The following HELB variants were observed in gnomAD, a reference collection of about 807,000 sequenced individuals.
HELB encodes DNA helicase B, also known as DNA 5'-3' helicase B.
In HELB, 96 loss-of-function variants were observed where a neutral mutation model predicts 101.7. That is an observed-to-expected ratio of 0.94 (90% confidence interval 0.80 to 1.12). HELB has a LOEUF of 1.12. Among genes scored for constraint, HELB ranks in the 50% most tolerant of loss-of-function variants. The pLI is 0.00. For missense variants in HELB, 1,210 were observed against 1,291.9 expected (o/e 0.94, Z 0.97); for synonymous variants, 437 against 459.7 (o/e 0.95, Z 0.63).
intron 12 of HELB, among the ~76,000 whole-genome samples, chr12:66,333,249 A>G (rs942324210): frequency 1.3e-5 from 2 of 152,154 alleles, no homozygotes; most frequent in African/African-American, 4.8e-5. Context: ...TGTGGTGGGC[A>G]GGAGGTGCTA....
At chr12:66,317,511 G>A (rs748005270) in intron 6 of HELB, among the ~76,000 whole-genome samples, 10 of 152,128 alleles carry the variant, frequency 6.6e-5, no homozygotes, top group South Asian at 4.1e-4. Context: ...TTTGGTAGAC[G>A]ATTAGTCATT....
At chr12:66,307,365 A>G (rs2053489577) in intron 3 of HELB, among the ~76,000 whole-genome samples, 1 of 151,928 alleles carries the variant, frequency 6.6e-6, no homozygotes. Flanking sequence ...ATAATAGTTT[A>G]CCTTTTTGTT....
At chr12:66,323,592 G>C (rs965387237) in intron 9 of HELB, among the ~76,000 whole-genome samples, 1 of 152,196 alleles carries the variant, frequency 6.6e-6, no homozygotes, top group Non-Finnish European at 1.5e-5. Context: ...ATAGAAATGT[G>C]TATAAGTGCT....
chr12:66,313,796 T>A (rs748643653), intron 4 of HELB, among the ~76,000 whole-genome samples, 190 bp from the exon 5 acceptor site: 1 of 152,102 alleles, frequency 6.6e-6, no homozygotes, highest in African/African-American at 2.4e-5. Flanking sequence ...ACAATCTGAT[T>A]TTTTGTTTGT....
rs759278833 is a variant in HELB at position 66,322,802 on chromosome 12, T to G, written c.2297+19T>G. On this transcript the variant is annotated intron_variant, in intron 9 of 12. Coordinates refer to ENST00000247815, the MANE Select transcript of HELB (RefSeq NM_001370285.1). ...TCACCAAGTGAGTGTCTTCGAGAAC[T>G]GAAACTTTTAAGGACAGTCCTTCTT... The G allele has an allele frequency of 1.3e-6, 2 of 1,565,206 alleles. No individual in the cohort carries two copies. Among genetic ancestry groups the G allele is most frequent in the African/African-American group, 1.4e-5 (1 of 72,956 alleles).
At chr12:66,327,054 A>ATATATATATATATATATATATAT in intron 11 of HELB, among the ~76,000 whole-genome samples, 2 of 127,000 alleles carry the variant, frequency 1.6e-5, no homozygotes, top group Admixed American at 8.8e-5. Flanking sequence ...AAAAAAAAAA[A>ATATATATATATATATATATATAT]AAAAAAAAAA....
downstream of HELB, chr12:66,341,551 A>C (rs1057313366): frequency 4.6e-5 from 7 of 152,178 alleles, no homozygotes; most frequent in African/African-American, 1.7e-4. Flanking sequence ...TTACATTTTC[A>C]ACATTTAAGT....
rs2053673844 is a variant in HELB, at chr12:66,321,821, A to G, written c.2156-127A>G. The G allele has an allele frequency of 5.4e-6, 3 of 560,080 alleles. No individual in the cohort carries two copies. In the Admixed American group the frequency reaches 9.0e-5, roughly 17 times the overall value. The allele number at this position is 560,080 out of a possible 1,614,324, so 34.7% of individuals were successfully genotyped here. The stretch of plus-strand genomic sequence containing the variant: ...AATGAGGTTGACATTCCCATGGTGA[A>G]CTTGTATTCCATTTGGTGAGATATT... On this transcript the variant is annotated intron_variant, in intron 7 of 12. Coordinates refer to ENST00000247815, the MANE Select transcript of HELB (RefSeq NM_001370285.1).
At chr12:66,309,087 A>T (rs1483114412) in intron 3 of HELB, among the ~76,000 whole-genome samples, 1 of 152,212 alleles carries the variant, frequency 6.6e-6, no homozygotes, top group Non-Finnish European at 1.5e-5. Context: ...CATGATACAC[A>T]CCGAGTTCAA....
At chr12:66,326,374 C>G (rs1206419389) in intron 11 of HELB, among the ~76,000 whole-genome samples, 3 of 152,040 alleles carry the variant, frequency 2.0e-5, no homozygotes, top group African/African-American at 7.2e-5. Flanking sequence ...TCCCGAGTAG[C>G]TGGGATTACA....
intron 11 of HELB, among the ~76,000 whole-genome samples, chr12:66,326,457 G>A (rs2053738717): frequency 6.6e-6 from 1 of 151,820 alleles, no homozygotes; most frequent in Admixed American, 6.6e-5. Context: ...TGGTCAGGCT[G>A]GTCTCGAACT....
Position 66,318,654 on chromosome 12 carries a change from T to A in HELB, c.2017T>A (p.Phe673Ile). ...TTATTCAAGAATCTCAAGACGCCAA[T>A]TTCCAAAATTTGATGCAGAACTAAA... ...DNATRISRRQ[F>I]PKFDAELNIS... The change falls in exon 7 of 13, where the codon TTT becomes ATT. Residue 673 changes from phenylalanine (F) to isoleucine (I), a missense_variant. Phe to Ile is a conservative substitution (Grantham distance 21, BLOSUM62 0). Around this residue, in one of 2 missense-constraint regions of HELB, gnomAD observed 740 missense variants for 728.8 expected, o/e 1.02. Transcript: ENST00000247815. The A allele has an allele frequency of 4.4e-6, 7 of 1,594,112 alleles. No homozygotes were observed. The highest frequency in any genetic ancestry group is 6.0e-6 in the Non-Finnish European group (7 of 1,175,360).
At chr12:66,316,456 G>C (rs1320712410) in intron 6 of HELB, among the ~76,000 whole-genome samples, 1 of 152,040 alleles carries the variant, frequency 6.6e-6, no homozygotes, top group Non-Finnish European at 1.5e-5. Flanking sequence ...GTAGGATGTA[G>C]CAGAAACTAG....
In HELB at chr12:66,324,078, GAAGTCAGCAAA is replaced by G. The variant is rs1565642004; in HGVS notation, c.2395_2405del (p.Ser799Ter). On this transcript the variant is annotated frameshift_variant, in exon 10 of 13. Transcript: ENST00000247815. LOFTEE classifies it high-confidence loss of function. Reference sequence around the variant, plus strand: ...GACTTACTACCTGAAAATATCTCTGGAAGTCAGCAAAATAATGATCTAGATGCCAGTAGTGA... The same window carrying G: ...GACTTACTACCTGAAAATATCTCTGGATAATGATCTAGATGCCAGTAGTGA... 9.3e-6 allele frequency: 15 copies of G among 1,613,686 alleles called. No individual in the cohort carries two copies. Among genetic ancestry groups the G allele is most frequent in the Non-Finnish European group, 1.3e-5 (15 of 1,179,788 alleles).
intron 11 of HELB, among the ~76,000 whole-genome samples, chr12:66,327,081 A>AT (rs1480704258): frequency 1.5e-5 from 2 of 135,834 alleles, no homozygotes; most frequent in African/African-American, 5.5e-5. Flanking sequence ...ATATATATAT[A>AT]TGTTTATATA....
At chr12:66,325,647 A>G (rs1006920842) in intron 11 of HELB, among the ~76,000 whole-genome samples, 2 of 152,096 alleles carry the variant, frequency 1.3e-5, no homozygotes, top group South Asian at 4.1e-4. Flanking sequence ...TATCACTCCT[A>G]TTCATGTAGA....
At chr12:66,328,820 T>C (rs1256360282) in intron 11 of HELB, among the ~76,000 whole-genome samples, 1 of 152,246 alleles carries the variant, frequency 6.6e-6, no homozygotes, top group African/African-American at 2.4e-5. Flanking sequence ...ATATTTTGGA[T>C]ATGTTAGCTT....
In HELB at chr12:66,302,582, T is replaced by C. The variant is rs1445846761; in HGVS notation, c.-22T>C. The C allele has an allele frequency of 3.1e-6, 5 of 1,605,184 alleles. No homozygotes were observed. Among genetic ancestry groups the C allele is most frequent in the East Asian group, 2.2e-5 (1 of 44,682 alleles). ...GTTAGCCAGGGTTTTCCCGAGTTGT[T>C]TGGGTTGAGTTCAGGAGAAGCATGG... On this transcript the variant is annotated 5_prime_UTR_variant, in exon 1 of 13. Transcript: ENST00000247815.
At chr12:66,333,365 T>C (rs529209800) in intron 12 of HELB, among the ~76,000 whole-genome samples, 1 of 152,088 alleles carries the variant, frequency 6.6e-6, no homozygotes, top group Non-Finnish European at 1.5e-5. Flanking sequence ...ATGCAAAGCC[T>C]GGAAAGGGAA....
Sources: gnomAD v4.1 joint callset for allele counts (sites outside exome capture counted in the v4.1 genomes callset) on GRCh38, gnomAD v4.1.1 for gene constraint, gnomAD v4.1.1 regional missense constraint, MANE v1.5 for transcripts, NCBI Gene and HGNC (gene_info 2026-07-23, HGNC 2026-07-21) for gene names.